Variants in ABCB5 observed in about 807,000 individuals in gnomAD.
ABCB5 encodes the protein ATP binding cassette subfamily B member 5.
ABCB5 carries 155 observed loss-of-function variants against 144.2 expected under a neutral mutation model. That is an observed-to-expected ratio of 1.08 (90% confidence interval 0.94 to 1.23). ABCB5 has a LOEUF of 1.23. ABCB5 is among the 50% of genes most tolerant of loss of function. The pLI is 0.00. For synonymous variants in ABCB5, 610 were observed against 528.6 expected (o/e 1.15, Z -2.11); for missense variants, 1,830 against 1,520.8 (o/e 1.20, Z -3.38).
Position 20,698,426 on chromosome 7 carries a change from C to A in ABCB5, c.2030C>A (p.Ser677Tyr). ...TTTTAGATAAGTCTTCCTGAAGTCT[C>A]TCTATTAAAAATTTTAAAGTTAAAC... is the stretch of plus-strand genomic sequence containing the variant. ...QSKEISLPEV[S>Y]LLKILKLNKP... Residue 677 changes from serine to tyrosine, a missense_variant, in exon 17 of 28, where the codon TCT becomes TAT. By Grantham distance (144) the Ser-to-Tyr change is moderately radical. Coordinates refer to ENST00000404938, the MANE Select transcript of ABCB5 (RefSeq NM_001163941.2). 1 of 1,577,678 alleles carries A rather than the reference C, an allele frequency of 6.3e-7. No homozygotes were observed. Among genetic ancestry groups the A allele is most frequent in the Non-Finnish European group, 8.6e-7 (1 of 1,169,158 alleles).
rs187341553 is a variant in ABCB5, at chr7:20,712,711, T to A, written c.2421+7904T>A. Reference sequence around the variant, plus strand: ...TATTTTTAGAATTTTAATATGGACTTTTTTATAGCTTCCTTATCTCTTAAC... The same window carrying A: ...TATTTTTAGAATTTTAATATGGACTATTTTATAGCTTCCTTATCTCTTAAC... On this transcript the variant is annotated intron_variant, in intron 20 of 27. Coordinates refer to ENST00000404938, the MANE Select transcript of ABCB5 (RefSeq NM_001163941.2). 2.4e-3 allele frequency among the ~76,000 whole-genome samples: 365 copies of A among 149,716 alleles called. 35 individuals are homozygous for A. In the East Asian group the frequency reaches 0.056, roughly 23 times the overall value.
At chr7:20,712,902 G>T (rs545460117) in intron 20 of ABCB5, among the ~76,000 whole-genome samples, 9 of 149,396 alleles carry the variant, frequency 6.0e-5, no homozygotes, top group Admixed American at 6.0e-4. Context: ...TTTTTTGTGT[G>T]GTGAGAACAC....
chr7:20,685,263 G>A (rs754745710), intron 15 of ABCB5, among the ~76,000 whole-genome samples: 3 of 152,146 alleles, frequency 2.0e-5, no homozygotes, highest in Non-Finnish European at 4.4e-5. Flanking sequence ...TGGAAAGCAT[G>A]ATTGTCTCCC....
At chr7:20,621,444 G>C (rs536822041) in intron 1 of ABCB5, among the ~76,000 whole-genome samples, 59 of 152,184 alleles carry the variant, frequency 3.9e-4, no homozygotes, top group Non-Finnish European at 7.4e-4. Flanking sequence ...TTTTAATCAT[G>C]TCTAGGCTGG....
chr7:20,626,468 T>C (rs1783911596), intron 2 of ABCB5, 89 bp from the exon 3 acceptor site: 20 of 1,104,316 alleles, frequency 1.8e-5, no homozygotes, highest in South Asian at 6.3e-5. Flanking sequence ...ACCAAGGTGA[T>C]ATCTGACACT....
At chr7:20,745,550 G>T in intron 26 of ABCB5, 112 bp downstream of exon 26, 2 of 989,606 alleles carry the variant, frequency 2.0e-6, no homozygotes, top group Non-Finnish European at 2.9e-6. Context: ...TGTATTTATT[G>T]CCAGAATCTA....
At position 20,744,890 on chromosome 7, in the gene ABCB5, A is replaced by C. The variant is rs1228862311; in HGVS notation, c.3223-342A>C. ...AGTGAGCATGCTCATCAAATATGAG[A>C]TGGTGTTGTTAAGAGTGTTGTTATT... On this transcript the variant is annotated intron_variant, in intron 25 of 27. Transcript: ENST00000404938. Among the ~76,000 whole-genome samples, 3 of 152,120 alleles carry C rather than the reference A, an allele frequency of 2.0e-5. No homozygotes were observed. In the East Asian group the frequency reaches 5.8e-4, roughly 29 times the overall value.
chr7:20,647,127 A>G (rs1784429347), intron 9 of ABCB5, among the ~76,000 whole-genome samples: 1 of 152,232 alleles, frequency 6.6e-6, no homozygotes, highest in Non-Finnish European at 1.5e-5. Flanking sequence ...CTGAGCCAAT[A>G]AAATCTACTG....
chr7:20,646,039 G>A lies in ABCB5; in HGVS notation c.882G>A (p.Val294=), dbSNP rs769997738. The change falls in exon 9 of 28, where the codon GTG becomes GTA. Residue 294 remains valine, a synonymous_variant. Transcript: ENST00000404938. ...CTTCAAAAGTGTCTCTTGGTGCTGTGTACTTCTTTATGAATGGAACCTATG... is the reference window on the plus strand; with the variant it reads ...CTTCAAAAGTGTCTCTTGGTGCTGTATACTTCTTTATGAATGGAACCTATG... ...TIASKVSLGA[V]YFFMNGTYGL... is the part of the protein sequence containing the mutation. 3 of 1,613,716 alleles carry A rather than the reference G, an allele frequency of 1.9e-6. No individual in the cohort carries two copies. In the African/African-American group the frequency reaches 4.0e-5, roughly 22 times the overall value.
intron 14 of ABCB5, among the ~76,000 whole-genome samples, chr7:20,674,283 C>T (rs1785538012): frequency 6.6e-6 from 1 of 151,822 alleles, no homozygotes; most frequent in Non-Finnish European, 1.5e-5. Flanking sequence ...TACCTGAAAC[C>T]TTTAATGTAG....
In ABCB5 at chr7:20,651,465, T is replaced by C. The variant is rs1784584241; in HGVS notation, c.1378T>C (p.Tyr460His). 12 of 1,614,078 alleles carry C rather than the reference T, an allele frequency of 7.4e-6. No homozygotes were observed. Among genetic ancestry groups the C allele is most frequent in the Non-Finnish European group, 9.3e-6 (11 of 1,180,004 alleles). Reference sequence around the variant, plus strand: ...CATCAGAGCTTTAAATGTGCGGCATTATCGAGACCATATTGGAGTGGTTAG... The same window carrying C: ...CATCAGAGCTTTAAATGTGCGGCATCATCGAGACCATATTGGAGTGGTTAG... ...NDIRALNVRH[Y>H]RDHIGVVSQE... The change falls in exon 13 of 28, where the codon TAT becomes CAT. Residue 460 changes from tyrosine to histidine, a missense_variant. Tyr to His is a moderately conservative substitution (Grantham distance 83, BLOSUM62 2). Coordinates refer to ENST00000404938, the MANE Select transcript of ABCB5 (RefSeq NM_001163941.2).
chr7:20,674,526 T>C (rs1360686072), intron 14 of ABCB5, among the ~76,000 whole-genome samples: 1 of 151,880 alleles, frequency 6.6e-6, no homozygotes, highest in African/African-American at 2.4e-5. Flanking sequence ...GTTAAGTTGC[T>C]ATCAGCTTAA....
chr7:20,744,469 C>T (rs1234960449), intron 25 of ABCB5, among the ~76,000 whole-genome samples: 1 of 152,130 alleles, frequency 6.6e-6, no homozygotes, highest in Non-Finnish European at 1.5e-5. Flanking sequence ...GTACAACCCC[C>T]TTCTCATGCC....
chr7:20,675,712 T>TGAAAAGGTAGCCTAC (rs1785578088), intron 14 of ABCB5, among the ~76,000 whole-genome samples: 1 of 150,896 alleles, frequency 6.6e-6, no homozygotes, highest in African/African-American at 2.4e-5. Context: ...ATCAACAGAA[T>TGAAAAGGTAGCCTAC]GAAAAGGTAG....
In ABCB5 at chr7:20,684,159, C is replaced by T. The variant is rs1278412177; in HGVS notation, c.1870-1537C>T. Among the ~76,000 whole-genome samples, 3 of 152,042 alleles carry T rather than the reference C, an allele frequency of 2.0e-5. No homozygotes were observed. In the East Asian group the frequency reaches 5.8e-4, roughly 29 times the overall value. ...GTTATTGACATTAACATTATTTTAT[C>T]AAACTTTTTAGAAAAGTTCAAACTA... On this transcript the variant is annotated intron_variant, in intron 15 of 27. Transcript: ENST00000404938.
Position 20,727,051 on chromosome 7 carries a change from A to G in ABCB5, c.2637A>G (p.Glu879=), listed in dbSNP as rs141788929. The G allele has an allele frequency of 1.1e-5, 17 of 1,610,546 alleles. No individual in the cohort carries two copies. The highest frequency in any genetic ancestry group is 3.3e-4 in the Middle Eastern group (2 of 6,020). Residue 879 remains glutamate (E), a synonymous_variant, in exon 22 of 28, where the codon GAA becomes GAG. Coordinates refer to ENST00000404938, the MANE Select transcript of ABCB5 (RefSeq NM_001163941.2). ...ELKHAGKIAT[E]ALENIRTIVS... ...TCCTGTTTTATAAGATAGCAACTGA[A>G]GCTTTGGAGAATATACGTACTATAG...
Position 20,728,407 on chromosome 7 carries a change from G to A in ABCB5, c.2819G>A (p.Gly940Glu). Residue 940 changes from glycine to glutamate, a missense_variant, in exon 23 of 28, where the codon GGA (glycine) becomes GAA (glutamate). Transcript: ENST00000404938. Reference sequence around the variant, plus strand: ...GCCTATGCGGCAGGGTTTCGATTTGGAGCCTATTTAATTCAAGCTGGACGA... The same window carrying A: ...GCCTATGCGGCAGGGTTTCGATTTGAAGCCTATTTAATTCAAGCTGGACGA... Reference protein sequence around the residue: ...YFAYAAGFRFGAYLIQAGRMT... With the variant: ...YFAYAAGFRFEAYLIQAGRMT... The A allele has an allele frequency of 5.0e-6, 8 of 1,614,112 alleles. No individual in the cohort carries two copies. Among genetic ancestry groups the A allele is most frequent in the Admixed American group, 1.7e-5 (1 of 60,014 alleles).
chr7:20,722,047 A>T (rs1450593762), intron 20 of ABCB5, among the ~76,000 whole-genome samples: 1 of 152,232 alleles, frequency 6.6e-6, no homozygotes, highest in Non-Finnish European at 1.5e-5. Context: ...TTCCTAGCAA[A>T]TGTGATTACA....
At chr7:20,670,536 G>C (rs1249677802) in intron 14 of ABCB5, among the ~76,000 whole-genome samples, 1 of 152,168 alleles carries the variant, frequency 6.6e-6, no homozygotes, top group South Asian at 2.1e-4. Context: ...AACCAATTTT[G>C]TTATACCATT....
Sources: gnomAD v4.1 joint callset for allele counts (sites outside exome capture counted in the v4.1 genomes callset) on GRCh38, gnomAD v4.1.1 for gene constraint, MANE v1.5 for transcripts, NCBI Gene and HGNC (gene_info 2026-07-23, HGNC 2026-07-21) for gene names.